ATP2B1: variants seen among roughly 807,000 people sequenced by gnomAD.
ATP2B1 encodes ATPase plasma membrane Ca2+ transporting 1.
ATP2B1 carries 14 observed loss-of-function variants against 124.2 expected under a neutral mutation model. The observed-to-expected ratio is 0.11, with a 90% CI of 0.07 to 0.18. The LOEUF is 0.18. ATP2B1 is among the 10% of genes least tolerant of loss of function. The pLI is 1.00. For synonymous variants in ATP2B1, 449 were observed against 492.4 expected, an observed-to-expected ratio of 0.91 and a Z score of 1.17; for missense variants, 763 against 1,466.1, an observed-to-expected ratio of 0.52 and a Z score of 7.83.
intron 5 of ATP2B1, among the ~76,000 whole-genome samples, chr12:89,634,090 A>G (rs1592806757): frequency 6.6e-6 from 1 of 152,110 alleles, no homozygotes; most frequent in African/African-American, 2.4e-5. Flanking sequence ...AGTTCAAGCT[A>G]TCACAATGAG....
chr12:89,674,644 C>T (rs1285767232), intron 1 of ATP2B1, among the ~76,000 whole-genome samples: 5 of 152,074 alleles, frequency 3.3e-5, no homozygotes, highest in Non-Finnish European at 5.9e-5. Context: ...TTACTGTGCT[C>T]CTATGAGACT....
At chr12:89,692,114 T>C (rs1055546098) in intron 1 of ATP2B1, among the ~76,000 whole-genome samples, 3 of 152,070 alleles carry the variant, frequency 2.0e-5, no homozygotes, top group Admixed American at 2.0e-4. Flanking sequence ...CTATACACTT[T>C]AAGTTTCAAA....
At chr12:89,643,992 G>C (rs1884051468) in intron 2 of ATP2B1, among the ~76,000 whole-genome samples, 1 of 152,056 alleles carries the variant, frequency 6.6e-6, no homozygotes, top group Admixed American at 6.5e-5. Flanking sequence ...TATGGTGGTG[G>C]GTTCCTGTAA....
At chr12:89,680,785 G>A (rs1388920917) in intron 1 of ATP2B1, among the ~76,000 whole-genome samples, 2 of 151,850 alleles carry the variant, frequency 1.3e-5, no homozygotes, top group Non-Finnish European at 2.9e-5. Context: ...TTCAAGACAT[G>A]TACTAAACTA....
At chr12:89,688,486 T>G (rs1844395264) in intron 1 of ATP2B1, among the ~76,000 whole-genome samples, 1 of 152,094 alleles carries the variant, frequency 6.6e-6, no homozygotes, top group South Asian at 2.1e-4. Flanking sequence ...TCTTGCTCAT[T>G]TAGCACTATG....
At chr12:89,697,445 C>T (rs983379777) in intron 1 of ATP2B1, among the ~76,000 whole-genome samples, 3 of 152,096 alleles carry the variant, frequency 2.0e-5, no homozygotes, top group Non-Finnish European at 2.9e-5. Context: ...TCCTTCATGT[C>T]CACATTGCTC....
intron 2 of ATP2B1, among the ~76,000 whole-genome samples, chr12:89,646,505 A>C (rs776428336): frequency 3.9e-5 from 6 of 152,138 alleles, no homozygotes; most frequent in Non-Finnish European, 7.3e-5. Flanking sequence ...GTGGGGAACA[A>C]AACAAAACAT....
intron 2 of ATP2B1, among the ~76,000 whole-genome samples, chr12:89,644,942 G>A (rs536959816): frequency 2.0e-5 from 3 of 152,306 alleles, no homozygotes; most frequent in Admixed American, 6.5e-5. Flanking sequence ...TATATGGGAA[G>A]TAAAGGTCTT....
chr12:89,656,200 GTAGA>G, intron 1 of ATP2B1, 93 bp from the exon 2 acceptor site: 1 of 397,132 alleles, frequency 2.5e-6, no homozygotes. Context: ...GGTAGCTAAA[GTAGA>G]TAATTTAATA....
chr12:89,629,592 C>A (rs1881525435), intron 6 of ATP2B1, among the ~76,000 whole-genome samples: 1 of 152,172 alleles, frequency 6.6e-6, no homozygotes, highest in South Asian at 2.1e-4. Flanking sequence ...AAGAACAAAA[C>A]AAACCACTCA....
chr12:89,677,971 TACACACACACACAC>T (rs869199593), intron 1 of ATP2B1, among the ~76,000 whole-genome samples: 1 of 52,308 alleles, frequency 1.9e-5, no homozygotes, highest in African/African-American at 7.0e-5. Flanking sequence ...TATATATATA[TACACACACACACAC>T]ACACACACAC....
intron 1 of ATP2B1, among the ~76,000 whole-genome samples, chr12:89,690,408 T>G (rs1890431303): frequency 6.6e-6 from 1 of 151,930 alleles, no homozygotes; most frequent in Admixed American, 6.6e-5. Context: ...TCACACATTT[T>G]AAGTATAGGG....
At chr12:89,671,683 C>T (rs1401920314) in intron 1 of ATP2B1, among the ~76,000 whole-genome samples, 2 of 152,058 alleles carry the variant, frequency 1.3e-5, no homozygotes, top group Admixed American at 1.3e-4. Context: ...ACTAAGCAAC[C>T]TCCTAATTAT....
In ATP2B1 at chr12:89,611,200, T is replaced by G; in HGVS notation, c.2240A>C (p.Lys747Thr). The G allele has an allele frequency of 6.3e-7, 1 of 1,584,930 alleles. No individual in the cohort carries two copies. Among genetic ancestry groups the G allele is most frequent in the Non-Finnish European group, 8.5e-7 (1 of 1,172,252 alleles). ...KDFNRRIRNE[K>T]GEIEQERIDK... The stretch of plus-strand genomic sequence containing the variant: ...ATAATAATAAATCTTTACCTCTCCT[T>G]TTTCATTTCGTATTCTTCTGTTAAA... Residue 747 changes from lysine (K) to threonine (T), a missense_variant, in exon 13 of 21, where the codon AAA (lysine) becomes ACA (threonine). Physicochemically the swap from Lys to Thr is moderately conservative, Grantham distance 78 (BLOSUM62 -1). Around this residue, in one of 7 missense-constraint regions of ATP2B1, gnomAD observed 392 missense variants for 776.6 expected, o/e 0.50. Transcript: ENST00000428670.
intron 3 of ATP2B1, among the ~76,000 whole-genome samples, chr12:89,638,454 T>G (rs1263150130): frequency 1.3e-5 from 2 of 152,218 alleles, no homozygotes; most frequent in Non-Finnish European, 2.9e-5. Flanking sequence ...ACATAATTAT[T>G]GGTCTCATAT....
chr12:89,597,520 G>A (rs1874867481), intron 20 of ATP2B1, among the ~76,000 whole-genome samples: 1 of 152,086 alleles, frequency 6.6e-6, no homozygotes, highest in African/African-American at 2.4e-5. Context: ...ATATACTTAA[G>A]TAAATACGGA....
intron 1 of ATP2B1, among the ~76,000 whole-genome samples, chr12:89,678,417 G>A (rs1428095061): frequency 6.6e-6 from 1 of 152,084 alleles, no homozygotes; most frequent in African/African-American, 2.4e-5. Flanking sequence ...AGCTTTATCT[G>A]TTCTCAACAC....
Position 89,642,461 on chromosome 12 carries a change from T to C in ATP2B1, c.209-106A>G, listed in dbSNP as rs1883698524. The C allele has an allele frequency of 4.6e-6, 5 of 1,084,576 alleles. No individual in the cohort carries two copies. In the South Asian group the frequency reaches 7.7e-5, roughly 17 times the overall value. The allele number at this position is 1,084,576 out of a possible 1,614,324, so 67.2% of individuals were successfully genotyped here. Reference sequence around the variant, plus strand: ...CTCATCACTCTAGACCCTACCAAAATGTTTACTTTCATGCTTTAAGTGTAC... The same window carrying C: ...CTCATCACTCTAGACCCTACCAAAACGTTTACTTTCATGCTTTAAGTGTAC... On this transcript the variant is annotated intron_variant, in intron 2 of 20. Transcript: ENST00000428670.
chr12:89,603,375 T>A lies in ATP2B1; in HGVS notation c.2849-121A>T. 1.2e-6 allele frequency: 1 copy of A among 843,394 alleles called. No homozygotes were observed. The highest frequency in any genetic ancestry group is 1.8e-6 in the Non-Finnish European group (1 of 560,012). The allele number at this position is 843,394 out of a possible 1,614,324, so 52.2% of individuals were successfully genotyped here. ...TCTGAAATGGCAGCATGGAAGGAGC[T>A]AGAGAAACCTGGGATTATCTAGTAC... is the stretch of plus-strand genomic sequence containing the variant. On this transcript the variant is annotated intron_variant, in intron 17 of 20. Coordinates refer to ENST00000428670, the MANE Select transcript of ATP2B1 (RefSeq NM_001366521.1). This position sits in a 1 kb window ranked among gnomAD's most constrained non-coding sequence, Gnocchi z 4.3.
Sources: gnomAD v4.1 joint callset for allele counts (sites outside exome capture counted in the v4.1 genomes callset) on GRCh38, gnomAD v4.1.1 for gene constraint, gnomAD v4.1.1 regional missense constraint, Gnocchi (gnomAD v3.1) non-coding constraint, MANE v1.5 for transcripts, NCBI Gene and HGNC (gene_info 2026-07-23, HGNC 2026-07-21) for gene names.